The following DPP10 variants were observed in gnomAD, a reference collection of about 807,000 sequenced individuals.
DPP10 encodes the protein dipeptidyl peptidase like 10.
Under a neutral mutation model 120.9 loss-of-function variants are expected in DPP10, and 33 were observed. That is an observed-to-expected ratio of 0.27 (90% CI 0.21 to 0.37). The LOEUF is 0.37. Among genes scored for constraint, DPP10 ranks in the 10% least tolerant of loss-of-function variants. DPP10 has a pLI of 1.00. For synonymous variants in DPP10, 337 were observed against 326.1 expected, an observed-to-expected ratio of 1.03 and a Z score of -0.36; for missense variants, 816 against 942.8, an observed-to-expected ratio of 0.87 and a Z score of 1.76.
chr2:114,551,508 G>C (rs181682906), intron 1 of DPP10, among the ~76,000 whole-genome samples: 41 of 152,316 alleles, frequency 2.7e-4, no homozygotes, highest in Admixed American at 2.1e-3. Flanking sequence ...GTACTTTGCT[G>C]CCTCCTAGTG....
At chr2:114,878,257 G>T (rs1479111930) in intron 1 of DPP10, among the ~76,000 whole-genome samples, 5 of 152,116 alleles carry the variant, frequency 3.3e-5, no homozygotes, top group South Asian at 2.1e-4. Context: ...ACAATCTAAA[G>T]ATCCATTATA....
intron 1 of DPP10, among the ~76,000 whole-genome samples, chr2:115,042,392 A>C (rs1432323439): frequency 6.6e-6 from 1 of 151,954 alleles, no homozygotes; most frequent in Non-Finnish European, 1.5e-5. Context: ...ACAGCCTCCC[A>C]AGTAGTTGGG....
chr2:115,478,062 A>G (rs1351733974), intron 3 of DPP10, among the ~76,000 whole-genome samples: 3 of 152,148 alleles, frequency 2.0e-5, no homozygotes, highest in African/African-American at 7.2e-5. Flanking sequence ...CTCATTACCA[A>G]AAGGATGGCA....
At chr2:115,840,417 C>G (rs183740349) in intron 24 of DPP10, among the ~76,000 whole-genome samples, 1 of 149,432 alleles carries the variant, frequency 6.7e-6, no homozygotes, top group East Asian at 2.0e-4. Flanking sequence ...TCCCCACTCC[C>G]GGGTTCACGC....
At chr2:115,510,075 A>AT (rs1204482790) in intron 4 of DPP10, among the ~76,000 whole-genome samples, 11 of 152,028 alleles carry the variant, frequency 7.2e-5, no homozygotes, top group Admixed American at 6.6e-4. Context: ...GAATTGTAAG[A>AT]TTTTTTCATA....
chr2:115,641,638 G>A (rs2086790653), intron 5 of DPP10, among the ~76,000 whole-genome samples: 1 of 151,996 alleles, frequency 6.6e-6, no homozygotes, highest in South Asian at 2.1e-4. Flanking sequence ...CTATTATACC[G>A]AAGTGCAAGC....
chr2:115,153,124 A>G (rs915804887), intron 1 of DPP10, among the ~76,000 whole-genome samples: 15 of 152,156 alleles, frequency 9.9e-5, no homozygotes, highest in Admixed American at 6.5e-4. Context: ...AGAGGAAGAC[A>G]TTATCTTTTT....
At chr2:114,831,857 A>ATAT (rs1553437259) in intron 1 of DPP10, among the ~76,000 whole-genome samples, 65 of 146,100 alleles carry the variant, frequency 4.4e-4, no homozygotes, top group African/African-American at 1.3e-3. Context: ...AATTAAAAAA[A>ATAT]ATATATATAT....
chr2:114,825,536 A>G (rs1429374376), intron 1 of DPP10, among the ~76,000 whole-genome samples: 3 of 152,164 alleles, frequency 2.0e-5, no homozygotes, highest in African/African-American at 7.2e-5. Context: ...TAAAGAAGCT[A>G]TCTCTCTTGC....
chr2:115,800,572 T>G (rs1276896786), intron 19 of DPP10, among the ~76,000 whole-genome samples: 1 of 152,112 alleles, frequency 6.6e-6, no homozygotes, highest in East Asian at 1.9e-4. Context: ...GTTTTAGGTC[T>G]AACGTTTAAG....
chr2:114,687,245 G>A (rs1385543723), intron 1 of DPP10, among the ~76,000 whole-genome samples: 1 of 151,900 alleles, frequency 6.6e-6, no homozygotes, highest in Non-Finnish European at 1.5e-5. Context: ...CTTCTTCTGA[G>A]CATTATTCTT....
At chr2:114,461,561 C>T (rs1306086073) in intron 1 of DPP10, 1 of 983,468 alleles carries the variant, frequency 1.0e-6, no homozygotes, top group African/African-American at 1.7e-5. Flanking sequence ...TTTCTAAGAC[C>T]AGCCTCCTCT....
At chr2:115,655,800 T>C (rs979489547) in intron 5 of DPP10, among the ~76,000 whole-genome samples, 6 of 151,260 alleles carry the variant, frequency 4.0e-5, no homozygotes, top group Non-Finnish European at 8.9e-5. Context: ...TCATATTATA[T>C]TGAATAAAGA....
intron 11 of DPP10, among the ~76,000 whole-genome samples, chr2:115,758,269 T>G (rs1354881635): frequency 2.0e-5 from 3 of 152,078 alleles, no homozygotes; most frequent in Non-Finnish European, 1.5e-5. Context: ...TTTGTACTTG[T>G]TTCAAAATAA....
At chr2:115,493,903 G>GA (rs1426554710) in intron 3 of DPP10, among the ~76,000 whole-genome samples, 1 of 151,988 alleles carries the variant, frequency 6.6e-6, no homozygotes, top group African/African-American at 2.4e-5. Flanking sequence ...CTGTGAAAGG[G>GA]AAAAAACTAG....
At chr2:115,303,849 C>T (rs570889445) in intron 1 of DPP10, among the ~76,000 whole-genome samples, 43 of 151,988 alleles carry the variant, frequency 2.8e-4, no homozygotes, top group African/African-American at 9.9e-4. Flanking sequence ...AATTGAATTT[C>T]TATATCTCAA....
chr2:115,252,422 T>C (rs1018973793), intron 1 of DPP10, among the ~76,000 whole-genome samples: 3 of 152,200 alleles, frequency 2.0e-5, no homozygotes, highest in Admixed American at 6.5e-5. Flanking sequence ...GCTGTTAACC[T>C]AGAAACCCTG....
chr2:114,724,323 T>C (rs949204803), intron 1 of DPP10, among the ~76,000 whole-genome samples: 1 of 152,212 alleles, frequency 6.6e-6, no homozygotes, highest in African/African-American at 2.4e-5. Flanking sequence ...TAACGTATAA[T>C]CAATCACTAA....
At chr2:114,552,214 G>A (rs930719001) in intron 1 of DPP10, among the ~76,000 whole-genome samples, 10 of 152,264 alleles carry the variant, frequency 6.6e-5, no homozygotes, top group African/African-American at 2.2e-4. Flanking sequence ...CAGTAGGGCA[G>A]CGATGCGTAG....
Sources: gnomAD v4.1 joint callset for allele counts (sites outside exome capture counted in the v4.1 genomes callset) on GRCh38, gnomAD v4.1.1 for gene constraint, MANE v1.5 for transcripts, NCBI Gene and HGNC (gene_info 2026-07-23, HGNC 2026-07-21) for gene names.